The following FN1 variants were observed in gnomAD, a reference collection of about 807,000 sequenced individuals.
FN1 encodes fibronectin.
Under a neutral mutation model 297.3 loss-of-function variants are expected in FN1, and 106 were observed. The ratio of observed to expected loss-of-function variants is 0.36; its 90% confidence interval spans 0.30 to 0.42. The LOEUF (loss-of-function observed/expected upper bound fraction) is 0.42. Among genes scored for constraint, FN1 ranks in the 10% least tolerant of loss-of-function variants. The pLI, the probability that FN1 is intolerant of heterozygous loss-of-function variation, is 1.00. For missense variants in FN1, 2,690 were observed against 3,124.9 expected (o/e 0.86, Z 3.32); for synonymous variants, 1,149 against 1,152.6 (o/e 1.00, Z 0.06).
intron 30 of FN1, 60 bp from the exon 31 acceptor site, chr2:215,383,543 A>G: frequency 6.5e-7 from 1 of 1,549,562 alleles, no homozygotes; most frequent in Non-Finnish European, 8.9e-7. Flanking sequence ...AAGATTGGAC[A>G]AGTCCTCCTC....
chr2:215,426,906 C>T (rs1055221531), intron 6 of FN1, among the ~76,000 whole-genome samples: 4 of 151,654 alleles, frequency 2.6e-5, no homozygotes, highest in Middle Eastern at 3.4e-3. Flanking sequence ...GATGGGGTCT[C>T]GCTGTATCAC....
Position 215,378,192 on chromosome 2 carries a change from ACT to A in FN1, c.5691_5692del (p.Val1898CysfsTer20). ...TTACTTACTCTCCAGAGTGGTGACA[ACT>A]CCCTGAGCTGGTCTGCTTGTCAAAG... On this transcript the variant is annotated frameshift_variant, in exon 35 of 46. Transcript: ENST00000354785. LOFTEE classifies it high-confidence loss of function. The A allele has an allele frequency of 6.2e-7, 1 of 1,605,248 alleles. No homozygotes were observed. The highest frequency in any genetic ancestry group is 8.5e-7 in the Non-Finnish European group (1 of 1,172,584).
intron 33 of FN1, chr2:215,379,610 A>T: frequency 3.2e-6 from 1 of 314,038 alleles, no homozygotes; most frequent in Non-Finnish European, 5.9e-6. Context: ...CCTTAAAAAA[A>T]AAAGTTACAT....
chr2:215,434,750 C>T lies in FN1; in HGVS notation c.223G>A (p.Val75Ile). 1 of 1,614,142 alleles carries T rather than the reference C, an allele frequency of 6.2e-7. No individual in the cohort carries two copies. The highest frequency in any genetic ancestry group is 1.3e-5 in the African/African-American group (1 of 75,044). ...CGGCTTCCTCCATAACAAGTACAAA[C>T]CAACGCATTGCCTAGGTAGGTCCGC... is the stretch of plus-strand genomic sequence containing the variant. ...WERTYLGNAL[V>I]CTCYGGSRGF... Residue 75 changes from valine to isoleucine, a missense_variant, in exon 2 of 46, where the codon GTT becomes ATT. Val to Ile is a conservative substitution (Grantham distance 29). Around this residue, in one of 3 missense-constraint regions of FN1, gnomAD observed 876 missense variants for 1,058.1 expected, o/e 0.83. Coordinates refer to ENST00000354785, the MANE Select transcript of FN1 (RefSeq NM_212482.4).
chr2:215,410,507 C>CTT (rs34645626), intron 13 of FN1, among the ~76,000 whole-genome samples: 3 of 134,010 alleles, frequency 2.2e-5, no homozygotes, highest in Non-Finnish European at 4.8e-5. Context: ...GGCACCTTCA[C>CTT]TTTTTTTTTT....
At chr2:215,370,819 A>G (rs566391889) in intron 40 of FN1, among the ~76,000 whole-genome samples, 2 of 152,326 alleles carry the variant, frequency 1.3e-5, no homozygotes, top group African/African-American at 4.8e-5. Flanking sequence ...AGACACGGTC[A>G]TGCTCCTCCA....
At chr2:215,425,851 C>T (rs1188263377) in intron 6 of FN1, among the ~76,000 whole-genome samples, 1 of 152,164 alleles carries the variant, frequency 6.6e-6, no homozygotes, top group Non-Finnish European at 1.5e-5. Context: ...GGATTACAGG[C>T]ATGAGCCACC....
chr2:215,423,205 CACACACAA>C (rs2064745780), intron 9 of FN1, 137 bp downstream of exon 9: 2 of 726,924 alleles, frequency 2.8e-6, no homozygotes, highest in East Asian at 5.4e-5. Flanking sequence ...CACACACACA[CACACACAA>C]ACACACTTCA....
rs1575137716 is a variant in FN1 at position 215,360,960 on chromosome 2, C to T, written c.*595G>A. ...AAATAATCACCCACCATAATTATAC[C>T]AAATTCCTCTTATCAACTGCATACT... On this transcript the variant is annotated 3_prime_UTR_variant, in exon 46 of 46. Transcript: ENST00000354785. The T allele has an allele frequency of 6.5e-6, 1 of 154,108 alleles. No individual in the cohort carries two copies. The highest frequency in any genetic ancestry group is 2.0e-4 in the South Asian group (1 of 4,934). 9.5% of individuals were successfully genotyped at this position (154,108 alleles called of 1,614,324 possible). A position where few individuals can be genotyped will look rare whatever the true frequency, so the allele number is the denominator to read the frequency against.
In FN1 at chr2:215,416,491, A is replaced by G. The variant is rs189957074; in HGVS notation, c.1820-1533T>C. On this transcript the variant is annotated intron_variant, in intron 12 of 45. Transcript: ENST00000354785. ...ATTCAAGAAAAATTTTGGAGATGTG[A>G]CTATTTAACGTACTTCCATGTAAAT... Among the ~76,000 whole-genome samples, 129 of 152,306 alleles carry G rather than the reference A, an allele frequency of 8.5e-4. No individual in the cohort carries two copies. In the Middle Eastern group the frequency reaches 0.01, roughly 12 times the overall value.
At chr2:215,401,263 G>GAAGGAAGGAAGGGAGGGA (rs201679295) in intron 20 of FN1, among the ~76,000 whole-genome samples, 1 of 74,082 alleles carries the variant, frequency 1.3e-5, no homozygotes, top group African/African-American at 6.9e-5. Flanking sequence ...AGAAAGAAAG[G>GAAGGAAGGAAGGGAGGGA]AAGGAAAGGA....
rs755996049 is a variant in FN1, at chr2:215,376,654, C to G, written c.5731G>C (p.Ala1911Pro). 1.2e-6 allele frequency: 2 copies of G among 1,613,958 alleles called. No homozygotes were observed. Among genetic ancestry groups the G allele is most frequent in the Non-Finnish European group, 1.7e-6 (2 of 1,179,988 alleles). ...TLENVSPPRR[A>P]RVTDATETTI... ...GTCTCAGTAGCATCTGTCACACGAG[C>G]CCTTCTTGGTGGGCTGACATCTGCA... The change falls in exon 36 of 46, where the codon GCT becomes CCT. Residue 1911 changes from alanine to proline, a missense_variant. Transcript: ENST00000354785.
chr2:215,377,222 C>T (rs2057451648), intron 35 of FN1, among the ~76,000 whole-genome samples: 1 of 152,064 alleles, frequency 6.6e-6, no homozygotes, highest in Admixed American at 6.6e-5. Context: ...AGGCATACAT[C>T]AAGGTATTGA....
rs188295872 is a variant in FN1, at chr2:215,414,622, C to T, written c.1941+215G>A. On this transcript the variant is annotated intron_variant, in intron 13 of 45. Transcript: ENST00000354785. ...TTCTTCCAAATACCAGCCCCCCCAC[C>T]GCAAAAAAACAAAACCCAAAACCAA... 647 of 1,255,810 alleles carry T rather than the reference C, an allele frequency of 5.2e-4. 3 individuals carry two copies. The highest frequency in any genetic ancestry group is 5.1e-3 in the Admixed American group (149 of 29,248). The allele number at this position is 1,255,810 out of a possible 1,614,324, so 77.8% of individuals were successfully genotyped here.
chr2:215,433,028 T>C (rs2066797298), intron 3 of FN1, among the ~76,000 whole-genome samples: 1 of 152,150 alleles, frequency 6.6e-6, no homozygotes, highest in South Asian at 2.1e-4. Flanking sequence ...TAAGCATGTC[T>C]TACTGAAATG....
At chr2:215,406,205 T>G (rs1408737815) in intron 19 of FN1, 33 bp downstream of exon 19, 4 of 1,610,200 alleles carry the variant, frequency 2.5e-6, no homozygotes, top group South Asian at 2.2e-5. Flanking sequence ...GGTGGAGAAT[T>G]TGGAGGGGAG....
intron 38 of FN1, among the ~76,000 whole-genome samples, chr2:215,374,482 A>T (rs2056884516): frequency 1.3e-5 from 2 of 152,180 alleles, no homozygotes; most frequent in South Asian, 4.2e-4. Context: ...TTCTCACAAG[A>T]TCTGATAGTT....
intron 40 of FN1, 159 bp from the exon 41 acceptor site, chr2:215,370,591 A>C (rs1047865300): frequency 6.0e-6 from 4 of 670,992 alleles, no homozygotes; most frequent in Non-Finnish European, 1.0e-5. Flanking sequence ...AGTGGTCCTA[A>C]CCAGCTGAGG....
intron 20 of FN1, among the ~76,000 whole-genome samples, chr2:215,402,288 A>C (rs2061260046): frequency 6.6e-6 from 1 of 152,206 alleles, no homozygotes; most frequent in African/African-American, 2.4e-5. Flanking sequence ...ACAAACCCAC[A>C]AACGATGTCA....
Sources: gnomAD v4.1 joint callset for allele counts (sites outside exome capture counted in the v4.1 genomes callset) on GRCh38, gnomAD v4.1.1 for gene constraint, gnomAD v4.1.1 regional missense constraint, MANE v1.5 for transcripts, NCBI Gene and HGNC (gene_info 2026-07-23, HGNC 2026-07-21) for gene names.